The following AGTPBP1 variants were observed in gnomAD, a reference collection of about 807,000 sequenced individuals.
AGTPBP1 encodes ATP/GTP binding carboxypeptidase 1.
Under a neutral mutation model 143.9 loss-of-function variants are expected in AGTPBP1, and 70 were observed. The observed-to-expected ratio is 0.49, with a 90% CI of 0.40 to 0.59. The LOEUF is 0.59. AGTPBP1 is among the 20% of genes least tolerant of loss of function. The pLI is 0.00. For synonymous variants in AGTPBP1, 463 were observed against 500.2 expected, an observed-to-expected ratio of 0.93 and a Z score of 0.99; for missense variants, 1,229 against 1,464.5, an observed-to-expected ratio of 0.84 and a Z score of 2.62.
intron 17 of AGTPBP1, among the ~76,000 whole-genome samples, chr9:85,608,949 A>G (rs1006009337): frequency 8.5e-5 from 13 of 152,204 alleles, no homozygotes; most frequent in Non-Finnish European, 1.6e-4. Context: ...AGATTATTAC[A>G]TAAACTGGAA....
At chr9:85,733,159 C>T (rs1454829436) in intron 1 of AGTPBP1, among the ~76,000 whole-genome samples, 1 of 152,084 alleles carries the variant, frequency 6.6e-6, no homozygotes, top group Non-Finnish European at 1.5e-5. Context: ...GAACAAGGTA[C>T]TCAACAACAG....
intron 14 of AGTPBP1, among the ~76,000 whole-genome samples, chr9:85,630,387 C>T (rs1263950499): frequency 6.9e-6 from 1 of 144,230 alleles, no homozygotes; most frequent in African/African-American, 2.7e-5. Context: ...TACTTACTTA[C>T]TTACTTATTT....
chr9:85,617,229 T>G (rs772116672), intron 17 of AGTPBP1, among the ~76,000 whole-genome samples: 19 of 152,140 alleles, frequency 1.2e-4, no homozygotes, highest in Non-Finnish European at 2.1e-4. Context: ...CTTAGAGGAT[T>G]TAAATGAAAT....
At chr9:85,803,806 T>C in the AGTPBP1 span, among the ~76,000 whole-genome samples, 23 of 152,340 alleles carry the variant, frequency 1.5e-4, no homozygotes, top group Non-Finnish European at 3.2e-4. Flanking sequence ...TTAAAATGTC[T>C]AAATCTAAAC....
At chr9:85,696,581 T>C (rs979240406) in intron 2 of AGTPBP1, among the ~76,000 whole-genome samples, 7 of 152,000 alleles carry the variant, frequency 4.6e-5, no homozygotes, top group Admixed American at 6.6e-5. Context: ...GGCAGGAGAA[T>C]TGCTTGAACC....
At chr9:85,584,107 C>T (rs1828456122) in intron 23 of AGTPBP1, among the ~76,000 whole-genome samples, 1 of 152,052 alleles carries the variant, frequency 6.6e-6, no homozygotes, top group African/African-American at 2.4e-5. Context: ...TTCTCCCATT[C>T]TCTGGGCCTC....
At chr9:85,646,910 C>T (rs1832844447) in intron 11 of AGTPBP1, among the ~76,000 whole-genome samples, 1 of 152,004 alleles carries the variant, frequency 6.6e-6, no homozygotes, top group Non-Finnish European at 1.5e-5. Context: ...ATAAAATACA[C>T]TAATACCAAC....
At chr9:85,709,941 A>ATCT (rs1837262765) in intron 2 of AGTPBP1, among the ~76,000 whole-genome samples, 1 of 152,156 alleles carries the variant, frequency 6.6e-6, no homozygotes, top group Non-Finnish European at 1.5e-5. Context: ...TCTAATTAGA[A>ATCT]TCTTTGTTTA....
At chr9:85,764,327 G>A in the AGTPBP1 span, among the ~76,000 whole-genome samples, 2 of 151,814 alleles carry the variant, frequency 1.3e-5, no homozygotes. Context: ...TCAGGAGTTC[G>A]AGACCAGCCT....
chr9:85,740,277 T>C (rs952208681), intron 1 of AGTPBP1, among the ~76,000 whole-genome samples: 1 of 152,184 alleles, frequency 6.6e-6, no homozygotes, highest in Non-Finnish European at 1.5e-5. Flanking sequence ...GCAGTTGTAA[T>C]TATGTGATTA....
At chr9:85,582,611 C>T (rs368533683) in intron 23 of AGTPBP1, among the ~76,000 whole-genome samples, 15 of 151,736 alleles carry the variant, frequency 9.9e-5, no homozygotes, top group African/African-American at 2.7e-4. Context: ...ACCAGGGAGA[C>T]GGAGGCTGCA....
the AGTPBP1 span, among the ~76,000 whole-genome samples, chr9:85,800,592 G>C: frequency 1.3e-5 from 2 of 152,162 alleles, no homozygotes; most frequent in East Asian, 3.9e-4. Context: ...TGAGGTCTCT[G>C]GAATAAGTGG....
the AGTPBP1 span, among the ~76,000 whole-genome samples, chr9:85,801,591 A>G: frequency 6.6e-6 from 1 of 152,102 alleles, no homozygotes; most frequent in Non-Finnish European, 1.5e-5. Context: ...TGTCATTTAA[A>G]TTGGAAAACC....
chr9:85,607,571 C>G (rs1231044492), intron 17 of AGTPBP1, among the ~76,000 whole-genome samples: 1 of 152,018 alleles, frequency 6.6e-6, no homozygotes, highest in Admixed American at 6.6e-5. Context: ...AACAAGTGTG[C>G]TTAAAACTGT....
intron 18 of AGTPBP1, among the ~76,000 whole-genome samples, chr9:85,595,516 CTTAT>C (rs1829239340): frequency 6.6e-6 from 1 of 152,066 alleles, no homozygotes; most frequent in Admixed American, 6.5e-5. Context: ...ATTTCTAGCA[CTTAT>C]TTATTTTATT....
At chr9:85,794,846 G>A in the AGTPBP1 span, among the ~76,000 whole-genome samples, 1 of 152,098 alleles carries the variant, frequency 6.6e-6, no homozygotes, top group Admixed American at 6.6e-5. Flanking sequence ...CACTTCTTTG[G>A]TTAAATTTAT....
upstream of AGTPBP1, chr9:85,742,159 C>G (rs1006784297): frequency 3.7e-6 from 2 of 547,592 alleles, no homozygotes; most frequent in South Asian, 1.7e-4. Flanking sequence ...GGAGGGAGCG[C>G]GCGCGTGGGG....
chr9:85,717,483 C>T (rs1273299151), intron 1 of AGTPBP1, among the ~76,000 whole-genome samples: 2 of 152,158 alleles, frequency 1.3e-5, no homozygotes, highest in Non-Finnish European at 2.9e-5. Flanking sequence ...GCCTGGGTGA[C>T]AGAGCAAGAC....
At chr9:85,716,340 T>C (rs1837705385) in intron 1 of AGTPBP1, among the ~76,000 whole-genome samples, 2 of 152,206 alleles carry the variant, frequency 1.3e-5, no homozygotes, top group South Asian at 4.1e-4. Context: ...CAGGGCTTAG[T>C]CCTTTCTTGT....
Sources: gnomAD v4.1 joint callset for allele counts (sites outside exome capture counted in the v4.1 genomes callset) on GRCh38, gnomAD v4.1.1 for gene constraint, MANE v1.5 for transcripts, NCBI Gene and HGNC (gene_info 2026-07-23, HGNC 2026-07-21) for gene names.